Variants in NRAP observed in about 807,000 individuals in gnomAD.
NRAP encodes the protein nebulin-related-anchoring protein.
In NRAP, 189 loss-of-function variants were observed where a neutral mutation model predicts 225.9. That is an observed-to-expected ratio of 0.84 (90% CI 0.74 to 0.94). The LOEUF (loss-of-function observed/expected upper bound fraction) is 0.94, where lower values mean the gene tolerates loss of function less well. NRAP is among the 40% of genes least tolerant of loss of function. The pLI is 0.00. For missense variants in NRAP, 2,176 were observed against 2,168.7 expected, an observed-to-expected ratio of 1.00 and a Z score of -0.07; for synonymous variants, 769 against 790.7, an observed-to-expected ratio of 0.97 and a Z score of 0.46.
intron 29 of NRAP, among the ~76,000 whole-genome samples, chr10:113,613,560 A>G (rs1408462215): frequency 6.6e-6 from 1 of 152,202 alleles, no homozygotes; most frequent in East Asian, 1.9e-4. Flanking sequence ...GCCAACTCAC[A>G]TATGTGCAAG....
Position 113,604,720 on chromosome 10 carries a change from G to A in NRAP, c.4116C>T (p.Ala1372=), listed in dbSNP as rs747033581. ...DMVHLVHAKN[A]QALASDHDYR... is the part of the protein sequence containing the mutation. Reference sequence around the variant, plus strand: ...AGTCGTGGTCGCTGGCCAGAGCCTGGGCATTCTTGGCATGGACCAGGTGCA... The same window carrying A: ...AGTCGTGGTCGCTGGCCAGAGCCTGAGCATTCTTGGCATGGACCAGGTGCA... Residue 1372 remains alanine (A), a synonymous_variant, in exon 35 of 42, where the codon GCC becomes GCT. Transcript: ENST00000359988. The A allele has an allele frequency of 7.4e-6, 12 of 1,614,180 alleles. No individual in the cohort carries two copies. Among genetic ancestry groups the A allele is most frequent in the Non-Finnish European group, 1.0e-5 (12 of 1,180,046 alleles).
Position 113,642,841 on chromosome 10 carries a change from A to G in NRAP, c.1215+93T>C, listed in dbSNP as rs189551411. ...AAAAGGCCATGCTTCTCCAAGACAC[A>G]TAGATCCATTCCCATAGACTGTCCC... On this transcript the variant is annotated intron_variant, in intron 12 of 41. Transcript: ENST00000359988. The G allele has an allele frequency of 1.3e-4, 94 of 728,616 alleles. No homozygotes were observed. The East Asian group carries it at 2.1e-3, about 16-fold the overall frequency. 45.1% of individuals were successfully genotyped at this position (728,616 alleles called of 1,614,324 possible).
chr10:113,591,950 T>G (rs935917222), intron 39 of NRAP, among the ~76,000 whole-genome samples: 1 of 152,218 alleles, frequency 6.6e-6, no homozygotes, highest in African/African-American at 2.4e-5. Flanking sequence ...TCATCCATCA[T>G]CTTTTAAGAG....
intron 7 of NRAP, among the ~76,000 whole-genome samples, chr10:113,650,960 C>G (rs1318402464): frequency 6.6e-6 from 1 of 152,218 alleles, no homozygotes; most frequent in Admixed American, 6.5e-5. Flanking sequence ...CCATTCAGAA[C>G]AACACTAAGT....
intron 3 of NRAP, 63 bp downstream of exon 3, chr10:113,662,616 G>C: frequency 1.1e-6 from 1 of 905,518 alleles, no homozygotes. Context: ...CTATTTGCAT[G>C]TTTCTACCCA....
intron 9 of NRAP, among the ~76,000 whole-genome samples, chr10:113,648,459 C>CTATA (rs1469246100): frequency 3.2e-5 from 4 of 126,968 alleles, no homozygotes; most frequent in South Asian, 2.5e-4. Flanking sequence ...CTCTCTCTCT[C>CTATA]TCTCTCTCTA....
intron 14 of NRAP, 77 bp from the exon 15 acceptor site, chr10:113,634,287 A>G (rs10885481): frequency 0.033 from 33,889 of 1,015,004 alleles, 679 homozygotes; most frequent in Non-Finnish European, 0.04. Context: ...CCCAAGCCCA[A>G]TAAAGTGGCA....
chr10:113,590,091 C>A (rs1414478245), intron 40 of NRAP, among the ~76,000 whole-genome samples: 1 of 152,146 alleles, frequency 6.6e-6, no homozygotes. Context: ...CACTCTGTGG[C>A]CTTAGGGAAG....
chr10:113,614,089 C>G, intron 29 of NRAP, 94 bp downstream of exon 29: 2 of 806,444 alleles, frequency 2.5e-6, no homozygotes, highest in Non-Finnish European at 4.4e-6. Flanking sequence ...GAACCAATAC[C>G]CATGTCCAGA....
intron 21 of NRAP, among the ~76,000 whole-genome samples, chr10:113,625,656 C>T (rs936778946): frequency 1.1e-4 from 17 of 152,150 alleles, no homozygotes; most frequent in African/African-American, 3.6e-4. Flanking sequence ...CCCATAAATA[C>T]GCTTATGTGG....
intron 4 of NRAP, among the ~76,000 whole-genome samples, chr10:113,656,139 A>C (rs1391686070): frequency 6.6e-6 from 1 of 152,160 alleles, no homozygotes; most frequent in East Asian, 1.9e-4. Flanking sequence ...AAATATTTAC[A>C]ATCTATTCTC....
intron 14 of NRAP, among the ~76,000 whole-genome samples, chr10:113,634,543 T>C (rs1848754645): frequency 6.6e-6 from 1 of 152,200 alleles, no homozygotes; most frequent in South Asian, 2.1e-4. Context: ...AAGTTAAAAC[T>C]GCTGGTAACA....
chr10:113,627,166 A>G (rs1848333134), intron 20 of NRAP, among the ~76,000 whole-genome samples: 1 of 152,334 alleles, frequency 6.6e-6, no homozygotes, highest in South Asian at 2.1e-4. Flanking sequence ...AAAACATTCC[A>G]AACAGTCTTC....
At chr10:113,625,694 A>T (rs1158419470) in intron 21 of NRAP, among the ~76,000 whole-genome samples, 1 of 152,196 alleles carries the variant, frequency 6.6e-6, no homozygotes, top group Non-Finnish European at 1.5e-5. Flanking sequence ...CCCAAACGCA[A>T]ATGTTTTCTT....
At chr10:113,663,598 G>A (rs1165679566) in intron 1 of NRAP, 152 bp from the exon 2 acceptor site, 14 of 633,374 alleles carry the variant, frequency 2.2e-5, no homozygotes, top group Non-Finnish European at 3.7e-5. Context: ...CAACACTCAC[G>A]GTTAAATAAA....
At position 113,612,407 on chromosome 10, in the gene NRAP, G is replaced by A; in HGVS notation, c.3325C>T (p.His1109Tyr). 3 of 1,614,062 alleles carry A rather than the reference G, an allele frequency of 1.9e-6. No individual in the cohort carries two copies. The highest frequency in any genetic ancestry group is 2.5e-6 in the Non-Finnish European group (3 of 1,179,952). ...SDVNYKKGFE[H>Y]SKAQFHLPLD... is the part of the protein sequence containing the mutation. Reference sequence around the variant, plus strand: ...GGCAGATGGAACTGCGCCTTTGAGTGTTCAAAGCCTTTCTTGTAATTCACC... The same window carrying A: ...GGCAGATGGAACTGCGCCTTTGAGTATTCAAAGCCTTTCTTGTAATTCACC... Residue 1109 changes from histidine (H) to tyrosine (Y), a missense_variant, in exon 30 of 42, where the codon CAC (histidine) becomes TAC (tyrosine). His to Tyr is a moderately conservative substitution (Grantham distance 83). Coordinates refer to ENST00000359988, the MANE Select transcript of NRAP (RefSeq NM_198060.4).
chr10:113,623,716 T>C (rs1848131317), intron 22 of NRAP, 80 bp from the exon 23 acceptor site: 2 of 901,768 alleles, frequency 2.2e-6, no homozygotes, highest in East Asian at 2.4e-5. Context: ...TAGATTCTAA[T>C]GACGATTCTA....
At chr10:113,643,520 T>C (rs1849329492) in intron 11 of NRAP, among the ~76,000 whole-genome samples, 1 of 152,230 alleles carries the variant, frequency 6.6e-6, no homozygotes, top group Non-Finnish European at 1.5e-5. Flanking sequence ...TATACTTCAA[T>C]GCAATTCAAC....
chr10:113,646,907 C>T lies in NRAP; in HGVS notation c.993+16G>A. 6.4e-7 allele frequency: 1 copy of T among 1,569,632 alleles called. No homozygotes were observed. The highest frequency in any genetic ancestry group is 1.3e-5 in the African/African-American group (1 of 74,132). ...CTCTGCCTCTGGCTCTGTGGTCACA[C>T]CTACATGGTACTTACGTCACTAGCG... is the stretch of plus-strand genomic sequence containing the variant. On this transcript the variant is annotated intron_variant, in intron 10 of 41. Coordinates refer to ENST00000359988, the MANE Select transcript of NRAP (RefSeq NM_198060.4).
Sources: allele counts gnomAD v4.1 joint callset (sites outside exome capture counted in the v4.1 genomes callset), GRCh38; gene constraint gnomAD v4.1.1; transcripts MANE v1.5; gene names NCBI Gene and HGNC (gene_info 2026-07-23, HGNC 2026-07-21).